The following WDR25 variants were observed in gnomAD, a reference collection of about 807,000 sequenced individuals.
The protein encoded by WDR25 is WD repeat-containing protein 25.
WDR25 carries 35 observed loss-of-function variants against 47.7 expected under a neutral mutation model. That is an observed-to-expected ratio of 0.73 (90% CI 0.56 to 0.97). WDR25 has a LOEUF of 0.97. WDR25 is among the 50% of genes least tolerant of loss of function. WDR25 has a pLI of 0.00. For missense variants in WDR25, 634 were observed against 704.7 expected (o/e 0.90, Z 1.14); for synonymous variants, 248 against 278.9 (o/e 0.89, Z 1.10).
chr14:100,382,434 A>G (rs1026753774), intron 2 of WDR25, among the ~76,000 whole-genome samples: 6 of 152,178 alleles, frequency 3.9e-5, no homozygotes, highest in African/African-American at 1.4e-4. Context: ...GCTGGCTTCA[A>G]GCATGTGTGG....
At position 100,530,118 on chromosome 14, in the gene WDR25, C is replaced by T. The variant is rs1595095412; in HGVS notation, c.*77C>T. ...CTTCCTCAAGGGTAGATGAGAGGAA[C>T]GAGCACAGAGGTTGGCTGTGGGTCC... On this transcript the variant is annotated 3_prime_UTR_variant, in exon 7 of 7. Transcript: ENST00000402312. 13 of 1,465,482 alleles carry T rather than the reference C, an allele frequency of 8.9e-6. No homozygotes were observed. The highest frequency in any genetic ancestry group is 4.6e-5 in the East Asian group (2 of 43,620). The allele number at this position is 1,465,482 out of a possible 1,614,324, so 90.8% of individuals were successfully genotyped here.
rs1388134734 is a variant in WDR25 at position 100,525,964 on chromosome 14, C to T, written c.1196C>T (p.Thr399Ile). 3 of 1,614,106 alleles carry T rather than the reference C, an allele frequency of 1.9e-6. No homozygotes were observed. The highest frequency in any genetic ancestry group is 2.5e-6 in the Non-Finnish European group (3 of 1,179,992). The change falls in exon 5 of 7, where the codon ACC becomes ATC. Residue 399 changes from threonine (T) to isoleucine (I), a missense_variant. Coordinates refer to ENST00000402312, the MANE Select transcript of WDR25 (RefSeq NM_001161476.3). The surrounding 1 kb of genome is among the most constrained non-coding windows in gnomAD (Gnocchi z 4.6). Reference sequence around the variant, plus strand: ...TTCCTGAGCAGCACAGACGCTTCCACCCGGGACTCAGCTGACCGCACCATT... The same window carrying T: ...TTCCTGAGCAGCACAGACGCTTCCATCCGGGACTCAGCTGACCGCACCATT... The part of the protein sequence containing the change: ...SEFLSSTDAS[T>I]RDSADRTIIA...
rs139284129 is a variant in WDR25, at chr14:100,499,376, C to T, written c.1101+15252C>T. Among the ~76,000 whole-genome samples, 1,752 of 152,238 alleles carry T rather than the reference C, an allele frequency of 0.012. 30 individuals are homozygous for T. The highest frequency in any genetic ancestry group is 0.04 in the African/African-American group (1,647 of 41,520). ...CTATTGTTGGGTGTTTATAAGATTT[C>T]CAGTGGTTCCCTTATTACAACACTA... On this transcript the variant is annotated intron_variant, in intron 4 of 6. Transcript: ENST00000402312. This position sits in a 1 kb window ranked among gnomAD's most constrained non-coding sequence, Gnocchi z 4.4.
chr14:100,423,677 ATCTGAACAC>A (rs1898088204), intron 2 of WDR25, among the ~76,000 whole-genome samples: 1 of 152,230 alleles, frequency 6.6e-6, no homozygotes, highest in African/African-American at 2.4e-5. Context: ...ATCTGGTTCC[ATCTGAACAC>A]TCTGAACACT....
At position 100,425,943 on chromosome 14, in the gene WDR25, G is replaced by A. The variant is rs944702103; in HGVS notation, c.823-42078G>A. ...AGACCCTGGGCCTTGCGAGGACGCC[G>A]TCCTGACATTTCCACCCCAAATGGG... On this transcript the variant is annotated intron_variant, in intron 2 of 6. Coordinates refer to ENST00000402312, the MANE Select transcript of WDR25 (RefSeq NM_001161476.3). This position sits in a 1 kb window ranked among gnomAD's most constrained non-coding sequence, Gnocchi z 4.8. Among the ~76,000 whole-genome samples, 5 of 152,300 alleles carry A rather than the reference G, an allele frequency of 3.3e-5. 1 individual carries two copies. The Middle Eastern group carries it at 0.01, about 311-fold the overall frequency.
At chr14:100,423,508 G>C (rs1171114235) in intron 2 of WDR25, among the ~76,000 whole-genome samples, 1 of 152,162 alleles carries the variant, frequency 6.6e-6, no homozygotes, top group Non-Finnish European at 1.5e-5. Context: ...GGAGTGTTTA[G>C]GAAACGTGTT....
chr14:100,514,659 T>A (rs1901433141), intron 4 of WDR25, among the ~76,000 whole-genome samples: 1 of 152,180 alleles, frequency 6.6e-6, no homozygotes, highest in Non-Finnish European at 1.5e-5. Context: ...GTCTTTGTGC[T>A]ATTACTGTCA....
At chr14:100,385,962 A>G (rs571565297) in intron 2 of WDR25, among the ~76,000 whole-genome samples, 2 of 152,128 alleles carry the variant, frequency 1.3e-5, no homozygotes, top group Non-Finnish European at 2.9e-5. Context: ...GGGAGTCCCA[A>G]AGGAATAAGA....
intron 4 of WDR25, among the ~76,000 whole-genome samples, chr14:100,497,090 G>A (rs1900757011): frequency 1.3e-5 from 2 of 152,114 alleles, no homozygotes; most frequent in African/African-American, 4.8e-5. Context: ...TAATCCTGTT[G>A]TAGTCAGAAA....
intron 2 of WDR25, among the ~76,000 whole-genome samples, chr14:100,443,974 G>A (rs1440115479): frequency 1.3e-5 from 2 of 152,208 alleles, no homozygotes; most frequent in African/African-American, 4.8e-5. Context: ...TTGAGGCTCA[G>A]AGAGGTGAAC....
intron 2 of WDR25, among the ~76,000 whole-genome samples, chr14:100,383,185 C>CA (rs572633943): frequency 8.1e-4 from 124 of 152,334 alleles, no homozygotes; most frequent in African/African-American, 2.8e-3. Context: ...TAGCAAGACT[C>CA]AGAGTCCTGT....
At chr14:100,524,865 T>C (rs978069495) in intron 4 of WDR25, among the ~76,000 whole-genome samples, 1 of 152,120 alleles carries the variant, frequency 6.6e-6, no homozygotes, top group South Asian at 2.1e-4. Context: ...AATTATGGAG[T>C]GACACATTTA....
At chr14:100,382,663 CCCT>C (rs1159791640) in intron 2 of WDR25, among the ~76,000 whole-genome samples, 55 of 152,322 alleles carry the variant, frequency 3.6e-4, no homozygotes, top group African/African-American at 1.3e-3. Flanking sequence ...TGCACTGCAT[CCCT>C]CCTCTCTCTC....
chr14:100,431,092 C>T (rs1382260210), intron 2 of WDR25, among the ~76,000 whole-genome samples: 1 of 152,280 alleles, frequency 6.6e-6, no homozygotes, highest in East Asian at 1.9e-4. Flanking sequence ...CTCTCTTTGG[C>T]CCCTGACATT....
intron 2 of WDR25, among the ~76,000 whole-genome samples, chr14:100,394,255 C>T (rs894323772): frequency 6.6e-6 from 1 of 152,158 alleles, no homozygotes; most frequent in African/African-American, 2.4e-5. Flanking sequence ...TCAGGTCCCT[C>T]TAGGTGTGGC....
intron 4 of WDR25, among the ~76,000 whole-genome samples, chr14:100,487,207 A>G (rs1370750535): frequency 6.6e-6 from 1 of 152,152 alleles, no homozygotes; most frequent in East Asian, 1.9e-4. Context: ...ATAGGCAGGA[A>G]CTCAGTAAGT....
intron 3 of WDR25, chr14:100,476,549 G>A (rs1900023796): frequency 6.6e-6 from 1 of 152,234 alleles, no homozygotes; most frequent in African/African-American, 2.4e-5. Context: ...ACTAGGAGAA[G>A]CAAAGGTCAC....
intron 4 of WDR25, among the ~76,000 whole-genome samples, chr14:100,493,681 T>C (rs1900638954): frequency 6.6e-6 from 1 of 152,212 alleles, no homozygotes; most frequent in South Asian, 2.1e-4. Flanking sequence ...ACTTTTGATG[T>C]TGTACATTCT....
In WDR25 at chr14:100,530,076, G is replaced by C; in HGVS notation, c.*35G>C. On this transcript the variant is annotated 3_prime_UTR_variant, in exon 7 of 7. Transcript: ENST00000402312. ...CACTGAACCTTCCCGATGCCAGCTG[G>C]GCTCTTGGACTCCCCTCTTCCTCAA... The C allele has an allele frequency of 1.3e-6, 2 of 1,582,818 alleles. No homozygotes were observed. Among genetic ancestry groups the C allele is most frequent in the Non-Finnish European group, 1.7e-6 (2 of 1,161,764 alleles).
Sources: gnomAD v4.1 joint callset for allele counts (sites outside exome capture counted in the v4.1 genomes callset) on GRCh38, gnomAD v4.1.1 for gene constraint, Gnocchi (gnomAD v3.1) non-coding constraint, MANE v1.5 for transcripts, NCBI Gene and HGNC (gene_info 2026-07-23, HGNC 2026-07-21) for gene names.